Variants in DOK3 observed in about 807,000 individuals in gnomAD.
DOK3 encodes Dok-like protein.
Under a neutral mutation model 26.2 loss-of-function variants are expected in DOK3, and 23 were observed. The observed-to-expected ratio is 0.88, with a 90% CI of 0.63 to 1.24. The LOEUF is 1.24. Ranked by LOEUF, DOK3 falls within the 50% of genes most tolerant of loss-of-function variation. The pLI is 0.00. For missense variants in DOK3, 619 were observed against 610.6 expected (o/e 1.01, Z -0.15); for synonymous variants, 268 against 268.2 (o/e 1.00, Z 0.01).
Position 177,504,675 on chromosome 5 carries a change from C to A in DOK3, c.646-15G>T, listed in dbSNP as rs987336934. 1 of 1,613,500 alleles carries A rather than the reference C, an allele frequency of 6.2e-7. No individual in the cohort carries two copies. On this transcript the variant is annotated splice_polypyrimidine_tract_variant and intron_variant, in intron 5 of 5. Coordinates refer to ENST00000510898, the MANE Select transcript of DOK3 (RefSeq NM_001308236.3). ...GAGAACACGCCCTGGGCACAGGGCA[C>A]ACGGGTGGGGATTAGCAGGAGGGTC...
rs1265604730 is a variant in DOK3 at position 177,504,029 on chromosome 5, A to T, written c.1277T>A (p.Leu426Gln). The stretch of plus-strand genomic sequence containing the variant: ...TGGGCCCTTCCTCCGCTCACGACTC[A>T]GCAGGGTCACCAGCTTGGCCTTGAA... ...AGFKAKLVTL[L>Q]SRERRKGPAP... The change falls in exon 6 of 6, where the codon CTG (leucine) becomes CAG (glutamine). Residue 426 changes from leucine to glutamine, a missense_variant. Leu to Gln is a moderately radical substitution (Grantham distance 113). Transcript: ENST00000510898. The T allele has an allele frequency of 3.8e-6, 6 of 1,585,580 alleles. No homozygotes were observed. The highest frequency in any genetic ancestry group is 1.8e-5 in the Admixed American group (1 of 55,962).
At chr5:177,510,061 C>G (rs1484639855), upstream of DOK3, 27 of 677,728 alleles carry the variant, frequency 4.0e-5, 1 homozygote, top group Non-Finnish European at 6.5e-5. Context: ...ACCTCACGAG[C>G]CACTGAACAT....
At chr5:177,509,174 A>G (rs895634665) in intron 2 of DOK3, 7 of 303,456 alleles carry the variant, frequency 2.3e-5, no homozygotes, top group African/African-American at 1.3e-4. Context: ...CGGTGGCACT[A>G]TTTCATGGGT....
At chr5:177,504,715 C>G in intron 5 of DOK3, 28 bp downstream of exon 5, 1 of 1,613,968 alleles carries the variant, frequency 6.2e-7, no homozygotes, top group Non-Finnish European at 8.5e-7. Context: ...GTGTCAGCCC[C>G]TCACCCTTTC....
In DOK3 at chr5:177,504,241, G is replaced by A. The variant is rs774347697; in HGVS notation, c.1065C>T (p.His355=). 48 of 1,610,978 alleles carry A rather than the reference G, an allele frequency of 3.0e-5. No homozygotes were observed. In the South Asian group the frequency reaches 3.0e-4, roughly 10 times the overall value. The change falls in exon 6 of 6, where the codon CAC becomes CAT. Residue 355 remains histidine, a synonymous_variant. Transcript: ENST00000510898. ...LCVLEASPTL[H]GGEPEPHEGP... ...CCTCGTGCGGCTCAGGTTCCCCACCGTGCAGCGTGGGGCTGGCCTCCAGCA... is the reference window on the plus strand; with the variant it reads ...CCTCGTGCGGCTCAGGTTCCCCACCATGCAGCGTGGGGCTGGCCTCCAGCA...
At chr5:177,508,952 G>GT (rs1246909317) in intron 2 of DOK3, 1 of 220,664 alleles carries the variant, frequency 4.5e-6, no homozygotes, top group African/African-American at 2.3e-5. Context: ...GCCTCAAGCT[G>GT]TTAAGGAAGG....
Position 177,502,944 on chromosome 5 carries a change from C to G in DOK3, c.*1039G>C, listed in dbSNP as rs747755116. ...TCGACATGCCTAGGCAGGGGCGGTA[C>G]TGGCCGCACTAAAGGAAGTGAGCTG... On this transcript the variant is annotated 3_prime_UTR_variant, in exon 6 of 6. Coordinates refer to ENST00000510898, the MANE Select transcript of DOK3 (RefSeq NM_001308236.3). 8.1e-6 allele frequency: 9 copies of G among 1,106,620 alleles called. No homozygotes were observed. Among genetic ancestry groups the G allele is most frequent in the Admixed American group, 2.7e-5 (1 of 37,348 alleles). The allele number at this position is 1,106,620 out of a possible 1,614,324, so 68.6% of individuals were successfully genotyped here. A position where few individuals can be genotyped will look rare whatever the true frequency, so the allele number is the denominator to read the frequency against.
At chr5:177,509,712 G>A in intron 1 of DOK3, 46 bp downstream of exon 1, 2 of 1,609,172 alleles carry the variant, frequency 1.2e-6, no homozygotes, top group East Asian at 2.2e-5. Context: ...GGGGCAGCAT[G>A]TATTTCCTCC....
In DOK3 at chr5:177,503,975, C is replaced by T. The variant is rs1274974456; in HGVS notation, c.*8G>A. 1 of 1,535,454 alleles carries T rather than the reference C, an allele frequency of 6.5e-7. No individual in the cohort carries two copies. The highest frequency in any genetic ancestry group is 2.5e-5 in the East Asian group (1 of 40,798). ...CCTCTCCCCTCTGGCCACCACTCTG[C>T]TGGGCGTTCAGGGCCGGTCACAAGG... On this transcript the variant is annotated 3_prime_UTR_variant, in exon 6 of 6. Coordinates refer to ENST00000510898, the MANE Select transcript of DOK3 (RefSeq NM_001308236.3).
intron 3 of DOK3, among the ~76,000 whole-genome samples, chr5:177,505,454 C>T (rs115194729): frequency 4.2e-4 from 64 of 152,282 alleles, no homozygotes; most frequent in African/African-American, 1.5e-3. Context: ...GTGTCTTCCT[C>T]CATCTCACCA....
At chr5:177,506,030 G>A (rs1422013016) in intron 3 of DOK3, among the ~76,000 whole-genome samples, 13 of 151,828 alleles carry the variant, frequency 8.6e-5, no homozygotes, top group East Asian at 3.9e-4. Flanking sequence ...GAGCCACCGC[G>A]CCCAGCCCGC....
Position 177,509,668 on chromosome 5 carries a change from G to A in DOK3, c.-117-11C>T, listed in dbSNP as rs776676597. Reference sequence around the variant, plus strand: ...TCCGTCTAGAGACAGCTGCAGGCCGGGGGGAGGGGAGCCTGTCTTCAGCTC... The same window carrying A: ...TCCGTCTAGAGACAGCTGCAGGCCGAGGGGAGGGGAGCCTGTCTTCAGCTC... On this transcript the variant is annotated splice_polypyrimidine_tract_variant and intron_variant, in intron 1 of 5. Transcript: ENST00000510898. 6.3e-7 allele frequency: 1 copy of A among 1,591,312 alleles called. No individual in the cohort carries two copies. Among genetic ancestry groups the A allele is most frequent in the Non-Finnish European group, 8.6e-7 (1 of 1,165,806 alleles).
In DOK3 at chr5:177,504,311, G is replaced by T. The variant is rs368411592; in HGVS notation, c.995C>A (p.Ala332Asp). 7 of 1,603,980 alleles carry T rather than the reference G, an allele frequency of 4.4e-6. No individual in the cohort carries two copies. Among genetic ancestry groups the T allele is most frequent in the Non-Finnish European group, 6.0e-6 (7 of 1,174,378 alleles). ...GTGCTCATTGCCTGGGGGCCCACTG[G>T]CACGCTTGCACACTGAAGCGTAGAG... Reference protein sequence around the residue: ...SGLYASVCKRASGPPGNEHLY... With the variant: ...SGLYASVCKRDSGPPGNEHLY... Residue 332 changes from alanine to aspartate, a missense_variant, in exon 6 of 6, where the codon GCC becomes GAC. Physicochemically the swap from Ala to Asp is moderately radical, Grantham distance 126 (BLOSUM62 -2). Coordinates refer to ENST00000510898, the MANE Select transcript of DOK3 (RefSeq NM_001308236.3).
chr5:177,504,091 C>A lies in DOK3; in HGVS notation c.1215G>T (p.Gln405His). 2 of 1,612,362 alleles carry A rather than the reference C, an allele frequency of 1.2e-6. No individual in the cohort carries two copies. Among genetic ancestry groups the A allele is most frequent in the Non-Finnish European group, 1.7e-6 (2 of 1,179,402 alleles). ...AQYRRLLELD[Q>H]VEGTGRPDPQ... ...GGTCAGGGCGGCCTGTGCCCTCCAC[C>A]TGATCCAGCTCCAGCAGCCGCCGGT... Residue 405 changes from glutamine to histidine, a missense_variant, in exon 6 of 6, where the codon CAG becomes CAT. Gln to His is a conservative substitution (Grantham distance 24). Coordinates refer to ENST00000510898, the MANE Select transcript of DOK3 (RefSeq NM_001308236.3).
Position 177,505,033 on chromosome 5 carries a change from G to T in DOK3, c.450C>A (p.Ser150=). ...TACCTTCCTGCCAGGAGGAGTAGAT[G>T]GAGTTTTCCTCCATGGGGACCAGGC... ...KRGLVPMEEN[S]IYSSWQEVGE... Residue 150 remains serine, a synonymous_variant, in exon 4 of 6, where the codon TCC becomes TCA. Transcript: ENST00000510898. The T allele has an allele frequency of 1.2e-6, 2 of 1,611,370 alleles. No homozygotes were observed. Among genetic ancestry groups the T allele is most frequent in the Non-Finnish European group, 8.5e-7 (1 of 1,178,818 alleles).
At chr5:177,508,919 G>C in intron 2 of DOK3, 1 of 253,222 alleles carries the variant, frequency 3.9e-6, no homozygotes, top group Non-Finnish European at 7.5e-6. Flanking sequence ...CAGGCCAAGA[G>C]CTGGGGTGGG....
Position 177,504,445 on chromosome 5 carries a change from C to T in DOK3, c.861G>A (p.Met287Ile). ...ACGTGGGTGGCTCAGGTCCTGGTGG[C>T]ATCTCCCGAAGCTCTCCGGGGGTGT... is the stretch of plus-strand genomic sequence containing the variant. ...SLDTPGELRE[M>I]PPGPEPPTSR... The change falls in exon 6 of 6, where the codon ATG becomes ATA. Residue 287 changes from methionine (M) to isoleucine (I), a missense_variant. By Grantham distance (10) the Met-to-Ile change is conservative. Coordinates refer to ENST00000510898, the MANE Select transcript of DOK3 (RefSeq NM_001308236.3). The T allele has an allele frequency of 6.3e-7, 1 of 1,576,494 alleles. No individual in the cohort carries two copies.
chr5:177,509,480 C>T lies in DOK3; in HGVS notation c.61G>A (p.Gly21Ser). ...TGGCAGCCAGGGGTCCCCACCTTGC[C>T]AAACTTGACATGCTGCTGGTAGAGG... is the stretch of plus-strand genomic sequence containing the variant. ...GILYQQHVKF[G>S]KKCWRKVWAL... is the part of the protein sequence containing the mutation. The change falls in exon 2 of 6, where the codon GGC (glycine) becomes AGC (serine). Residue 21 changes from glycine (G) to serine (S), a missense_variant. Coordinates refer to ENST00000510898, the MANE Select transcript of DOK3 (RefSeq NM_001308236.3). 1 of 1,608,372 alleles carries T rather than the reference C, an allele frequency of 6.2e-7. No homozygotes were observed. The highest frequency in any genetic ancestry group is 8.5e-7 in the Non-Finnish European group (1 of 1,177,240).
chr5:177,503,310 T>C lies in DOK3; in HGVS notation c.*673A>G. 2.6e-6 allele frequency: 4 copies of C among 1,551,268 alleles called. No individual in the cohort carries two copies. The South Asian group carries it at 3.6e-5, about 14-fold the overall frequency. ...CACTGAGTAGGCACGCAGCAAACTC[T>C]CATCAAGGATTATGCCTGATACGTC... On this transcript the variant is annotated 3_prime_UTR_variant, in exon 6 of 6. Coordinates refer to ENST00000510898, the MANE Select transcript of DOK3 (RefSeq NM_001308236.3).
Sources: gnomAD v4.1 joint callset for allele counts (sites outside exome capture counted in the v4.1 genomes callset) on GRCh38, gnomAD v4.1.1 for gene constraint, MANE v1.5 for transcripts, NCBI Gene and HGNC (gene_info 2026-07-23, HGNC 2026-07-21) for gene names.